GTF2IRD1: variants seen among roughly 807,000 people sequenced by gnomAD.
GTF2IRD1 encodes general transcription factor II-I repeat domain-containing protein 1.
GTF2IRD1 carries 26 observed loss-of-function variants against 113.2 expected under a neutral mutation model. That is an observed-to-expected ratio of 0.23 (90% CI 0.17 to 0.32). The LOEUF is 0.32. GTF2IRD1 is among the 10% of genes least tolerant of loss of function. The probability of loss-of-function intolerance (pLI) is 1.00; values close to 1 mark genes in which losing one functional copy is unlikely to be tolerated. For missense variants in GTF2IRD1, 864 were observed against 1,280.8 expected (o/e 0.67, Z 4.97); for synonymous variants, 484 against 529.1 (o/e 0.91, Z 1.17).
chr7:74,600,394 G>A lies in GTF2IRD1; in HGVS notation c.2630-650G>A, dbSNP rs150882600. ...CGATTGCACCATGGCACTCCAGCCT[G>A]GGCAACAGAGTGAGACCCTAAAAAA... On this transcript the variant is annotated intron_variant, in intron 25 of 26. Coordinates refer to ENST00000424337, the MANE Select transcript of GTF2IRD1 (RefSeq NM_005685.4). Among the ~76,000 whole-genome samples, 796 of 152,216 alleles carry A rather than the reference G, an allele frequency of 5.2e-3. 12 individuals carry two copies. Among genetic ancestry groups the A allele is most frequent in the African/African-American group, 0.018 (756 of 41,528 alleles).
intron 1 of GTF2IRD1, among the ~76,000 whole-genome samples, chr7:74,488,389 C>T (rs1554335972): frequency 2.0e-5 from 3 of 152,210 alleles, no homozygotes; most frequent in Non-Finnish European, 2.9e-5. Flanking sequence ...TAAAATAGAC[C>T]TGTAGTCAAA....
rs782650296 is a variant in GTF2IRD1, at chr7:74,519,414, T to C, written c.611T>C (p.Leu204Pro). 1.3e-6 allele frequency: 2 copies of C among 1,526,574 alleles called. No individual in the cohort carries two copies. Among genetic ancestry groups the C allele is most frequent in the African/African-American group, 2.8e-5 (2 of 72,208 alleles). The allele number at this position is 1,526,574 out of a possible 1,614,324, so 94.6% of individuals were successfully genotyped here. Residue 204 changes from leucine (L) to proline (P), a missense_variant, in exon 6 of 27, where the codon CTT (leucine) becomes CCT (proline). Leu to Pro is a moderately conservative substitution (Grantham distance 98). Transcript: ENST00000424337. ...GTGTCCTCTCCTTTACTCAGGCCAC[T>C]TGAGGATGGCGGGCGGGACTCGAAG... ...HRIRFKLKRP[L>P]EDGGRDSKAL... is the part of the protein sequence containing the mutation.
intron 1 of GTF2IRD1, among the ~76,000 whole-genome samples, chr7:74,457,767 C>T (rs1230630283): frequency 6.6e-6 from 1 of 152,048 alleles, no homozygotes; most frequent in Non-Finnish European, 1.5e-5. Context: ...CTCCATGGGG[C>T]CTGCAGAGGC....
intron 3 of GTF2IRD1, 51 bp from the exon 4 acceptor site, chr7:74,515,389 CG>C (rs1562823227): frequency 6.5e-7 from 1 of 1,549,128 alleles, no homozygotes; most frequent in African/African-American, 1.4e-5. Context: ...GCTCGAAGGC[CG>C]GGTGGTGAGA....
chr7:74,467,843 G>A (rs1562772614), intron 1 of GTF2IRD1, among the ~76,000 whole-genome samples: 2 of 152,014 alleles, frequency 1.3e-5, no homozygotes, highest in South Asian at 2.1e-4. Context: ...ACAGGCGCCC[G>A]CCACTGCTCC....
intron 24 of GTF2IRD1, among the ~76,000 whole-genome samples, chr7:74,592,596 A>C (rs1420156130): frequency 6.8e-6 from 1 of 147,862 alleles, no homozygotes; most frequent in African/African-American, 2.5e-5. Flanking sequence ...GTGCAATGGC[A>C]CGATCTCAGC....
chr7:74,516,488 C>T (rs1421611998), intron 4 of GTF2IRD1, among the ~76,000 whole-genome samples: 1 of 152,172 alleles, frequency 6.6e-6, no homozygotes, highest in African/African-American at 2.4e-5. Flanking sequence ...GGCCTCAGGG[C>T]CCCAGTGGTG....
At chr7:74,458,873 TTGAA>T (rs57735598) in intron 1 of GTF2IRD1, among the ~76,000 whole-genome samples, 129,420 of 151,310 alleles carry the variant, frequency 0.86, 55,670 homozygotes, top group African/African-American at 0.95. Flanking sequence ...CAGGCTGGTC[TTGAA>T]TGAACCCCTG....
chr7:74,522,014 C>T (rs148905754), intron 7 of GTF2IRD1, among the ~76,000 whole-genome samples: 39 of 152,190 alleles, frequency 2.6e-4, no homozygotes, highest in African/African-American at 8.4e-4. Context: ...CTCAGTCCCC[C>T]ACCATGTGGG....
intron 11 of GTF2IRD1, among the ~76,000 whole-genome samples, 164 bp downstream of exon 11, chr7:74,536,439 CTAGAGAACTCTCACA>C (rs1285867455): frequency 6.6e-6 from 1 of 152,164 alleles, no homozygotes; most frequent in African/African-American, 2.4e-5. Flanking sequence ...TTCCCTCTGC[CTAGAGAACTCTCACA>C]TAGAGAACTC....
chr7:74,593,955 T>A (rs1274219489), intron 24 of GTF2IRD1, among the ~76,000 whole-genome samples: 1 of 151,650 alleles, frequency 6.6e-6, no homozygotes, highest in Non-Finnish European at 1.5e-5. Flanking sequence ...ATCCCAGCAC[T>A]TTGGGAGGCC....
intron 4 of GTF2IRD1, among the ~76,000 whole-genome samples, chr7:74,515,950 T>A (rs1796904283): frequency 6.6e-6 from 1 of 152,164 alleles, no homozygotes; most frequent in Admixed American, 6.5e-5. Context: ...GTCTGATCAT[T>A]AATGAAGCTC....
chr7:74,520,903 C>G (rs142035588), intron 6 of GTF2IRD1, among the ~76,000 whole-genome samples: 1 of 144,784 alleles, frequency 6.9e-6, no homozygotes, highest in African/African-American at 2.5e-5. Context: ...GGAAAAAAGC[C>G]CAAATATGTG....
At chr7:74,562,845 G>A (rs1267217280) in intron 22 of GTF2IRD1, among the ~76,000 whole-genome samples, 3 of 152,094 alleles carry the variant, frequency 2.0e-5, no homozygotes, top group African/African-American at 4.8e-5. Flanking sequence ...ACCTCCCAAA[G>A]TGCTGGGATT....
intron 17 of GTF2IRD1, among the ~76,000 whole-genome samples, chr7:74,551,963 T>C (rs1583865315): frequency 1.3e-5 from 2 of 152,080 alleles, no homozygotes; most frequent in South Asian, 4.2e-4. Context: ...AAATAAAGAC[T>C]GTTGGGACAG....
chr7:74,481,714 G>T (rs947422073), intron 1 of GTF2IRD1, among the ~76,000 whole-genome samples: 1 of 152,182 alleles, frequency 6.6e-6, no homozygotes, highest in Non-Finnish European at 1.5e-5. Context: ...TTATATGTGG[G>T]TGTGTGTATC....
chr7:74,498,200 G>A (rs999560665), intron 1 of GTF2IRD1, among the ~76,000 whole-genome samples: 2 of 148,662 alleles, frequency 1.3e-5, no homozygotes, highest in Non-Finnish European at 3.0e-5. Flanking sequence ...ATGATGTCTC[G>A]CTCTGTTGCC....
intron 1 of GTF2IRD1, among the ~76,000 whole-genome samples, chr7:74,489,686 G>T (rs1349046278): frequency 3.3e-5 from 5 of 152,114 alleles, no homozygotes; most frequent in Non-Finnish European, 7.4e-5. Context: ...TCTCCTAGAA[G>T]TCCCTCATGT....
At chr7:74,516,496 G>A (rs1370956374) in intron 4 of GTF2IRD1, among the ~76,000 whole-genome samples, 1 of 152,248 alleles carries the variant, frequency 6.6e-6, no homozygotes, top group Admixed American at 6.5e-5. Context: ...GGCCCCAGTG[G>A]TGGTCTTCAC....
Sources: gnomAD v4.1 joint callset for allele counts (sites outside exome capture counted in the v4.1 genomes callset) on GRCh38, gnomAD v4.1.1 for gene constraint, MANE v1.5 for transcripts, NCBI Gene and HGNC (gene_info 2026-07-23, HGNC 2026-07-21) for gene names.